The following ZFAND3 variants were observed in gnomAD, a reference collection of about 807,000 sequenced individuals.
ZFAND3 encodes the protein AN1-type zinc finger protein 3.
A neutral mutation model predicts 29.6 loss-of-function variants in ZFAND3; 10 were observed. The observed-to-expected ratio is 0.34, with a 90% CI of 0.21 to 0.57. ZFAND3 has a LOEUF of 0.57. Ranked by LOEUF, ZFAND3 falls within the 20% of genes least tolerant of loss-of-function variation. The pLI, the probability that ZFAND3 is intolerant of heterozygous loss-of-function variation, is 0.86. For missense variants in ZFAND3, 230 were observed against 304.5 expected (o/e 0.76, Z 1.82); for synonymous variants, 128 against 112.6 (o/e 1.14, Z -0.87).
intron 4 of ZFAND3, among the ~76,000 whole-genome samples, chr6:38,091,851 A>G (rs1208658808): frequency 6.6e-6 from 1 of 151,506 alleles, no homozygotes; most frequent in African/African-American, 2.4e-5. Flanking sequence ...CAGCAATTAT[A>G]AACAGGATAA....
intron 2 of ZFAND3, among the ~76,000 whole-genome samples, chr6:38,024,243 C>T (rs1354372433): frequency 5.3e-5 from 8 of 151,974 alleles, no homozygotes; most frequent in Non-Finnish European, 7.4e-5. Context: ...GAGGCCGAGG[C>T]GGGCAGATCA....
intron 2 of ZFAND3, among the ~76,000 whole-genome samples, chr6:38,002,302 A>T (rs567169157): frequency 6.5e-5 from 8 of 123,840 alleles, no homozygotes; most frequent in Non-Finnish European, 8.7e-5. Context: ...TTTTTTTTTT[A>T]AAGAAAACAG....
At chr6:38,092,378 A>G (rs1474093290) in intron 4 of ZFAND3, among the ~76,000 whole-genome samples, 1 of 152,246 alleles carries the variant, frequency 6.6e-6, no homozygotes, top group Non-Finnish European at 1.5e-5. Flanking sequence ...TAGAGAGAAT[A>G]AGTACAGAAA....
intron 2 of ZFAND3, among the ~76,000 whole-genome samples, chr6:37,976,541 G>T (rs201623538): frequency 3.7e-5 from 5 of 136,146 alleles, no homozygotes; most frequent in Non-Finnish European, 7.6e-5. Flanking sequence ...CCGAGATTGC[G>T]CCACTGCACT....
intron 2 of ZFAND3, among the ~76,000 whole-genome samples, chr6:38,007,618 TGAA>T (rs1166616601): frequency 2.0e-5 from 3 of 152,176 alleles, no homozygotes; most frequent in African/African-American, 7.2e-5. Flanking sequence ...ATAATTAACT[TGAA>T]GAATAATTTA....
At chr6:38,131,200 CTTAG>C (rs1329231787) in intron 5 of ZFAND3, among the ~76,000 whole-genome samples, 1 of 152,066 alleles carries the variant, frequency 6.6e-6, no homozygotes, top group Non-Finnish European at 1.5e-5. Flanking sequence ...TTTCTCTCTT[CTTAG>C]TTAATCTTGT....
At chr6:37,944,899 A>AT (rs1761873981) in intron 2 of ZFAND3, among the ~76,000 whole-genome samples, 1 of 152,192 alleles carries the variant, frequency 6.6e-6, no homozygotes, top group Non-Finnish European at 1.5e-5. Flanking sequence ...AAGAAAGGGG[A>AT]GTGCGAGCAT....
chr6:37,925,726 T>C (rs1057242934), intron 1 of ZFAND3, among the ~76,000 whole-genome samples: 35 of 150,078 alleles, frequency 2.3e-4, no homozygotes, highest in African/African-American at 8.4e-4. Context: ...AAAAGGTTTC[T>C]AGATTTTTGA....
chr6:38,063,647 G>T (rs906676833), intron 3 of ZFAND3, among the ~76,000 whole-genome samples: 1 of 152,168 alleles, frequency 6.6e-6, no homozygotes, highest in South Asian at 2.1e-4. Flanking sequence ...AAGGAAAGCT[G>T]CATGGAGTTT....
At chr6:38,117,870 G>C (rs1765452319) in intron 5 of ZFAND3, among the ~76,000 whole-genome samples, 1 of 152,196 alleles carries the variant, frequency 6.6e-6, no homozygotes, top group Non-Finnish European at 1.5e-5. Context: ...GAAATGGGAA[G>C]GAAGAGAGAG....
At chr6:37,971,130 T>C (rs1373875352) in intron 2 of ZFAND3, among the ~76,000 whole-genome samples, 1 of 152,214 alleles carries the variant, frequency 6.6e-6, no homozygotes, top group East Asian at 1.9e-4. Flanking sequence ...TTGATTGTAA[T>C]TTTTTAGTCT....
At chr6:38,120,754 C>T (rs1357637966) in intron 5 of ZFAND3, among the ~76,000 whole-genome samples, 1 of 152,180 alleles carries the variant, frequency 6.6e-6, no homozygotes, top group African/African-American at 2.4e-5. Context: ...AGTGGATATG[C>T]TCCCTTTGGG....
chr6:37,872,693 A>G (rs1018535257), intron 1 of ZFAND3, among the ~76,000 whole-genome samples: 13 of 152,094 alleles, frequency 8.5e-5, no homozygotes, highest in South Asian at 2.1e-4. Flanking sequence ...AGGTTATTCT[A>G]TGTTGCATGT....
In ZFAND3 at chr6:38,082,159, G is replaced by T. The variant is rs57953516; in HGVS notation, c.296-233G>T. On this transcript the variant is annotated intron_variant, in intron 3 of 5. Coordinates refer to ENST00000287218, the MANE Select transcript of ZFAND3 (RefSeq NM_021943.3). ...ACTCGGCTGTTTTTTTTTTTTTTGT[G>T]TGTGAAAAGCATGTTAGAATGTAGA... 0.085 allele frequency among the ~76,000 whole-genome samples: 12,511 copies of T among 147,828 alleles called. 736 individuals are homozygous for T. The highest frequency in any genetic ancestry group is 0.28 in the East Asian group (1,435 of 5,084).
chr6:37,833,899 AAAAG>A (rs1763912602), intron 1 of ZFAND3, among the ~76,000 whole-genome samples: 1 of 152,114 alleles, frequency 6.6e-6, no homozygotes, highest in South Asian at 2.1e-4. Flanking sequence ...CTAGAAGGTA[AAAAG>A]AGAGAGTTCC....
intron 1 of ZFAND3, among the ~76,000 whole-genome samples, chr6:37,899,688 A>T (rs1003573004): frequency 1.3e-5 from 2 of 152,248 alleles, no homozygotes; most frequent in African/African-American, 4.8e-5. Context: ...GCATATTTCA[A>T]ATAAAATTTC....
At chr6:38,000,688 C>T (rs1462424324) in intron 2 of ZFAND3, among the ~76,000 whole-genome samples, 1 of 152,106 alleles carries the variant, frequency 6.6e-6, no homozygotes, top group Non-Finnish European at 1.5e-5. Context: ...TCTAGTAAAA[C>T]AATAAATTAG....
intron 2 of ZFAND3, among the ~76,000 whole-genome samples, chr6:38,044,496 C>T (rs528613775): frequency 2.3e-4 from 35 of 152,242 alleles, no homozygotes; most frequent in African/African-American, 8.2e-4. Context: ...CCACAGTTCA[C>T]TCTTGACTAG....
intron 3 of ZFAND3, among the ~76,000 whole-genome samples, chr6:38,075,488 A>G (rs1052957218): frequency 1.3e-5 from 2 of 152,178 alleles, no homozygotes; most frequent in African/African-American, 4.8e-5. Context: ...TAAAACTTTA[A>G]TGGATGAGGA....
Sources: gnomAD v4.1 joint callset for allele counts (sites outside exome capture counted in the v4.1 genomes callset) on GRCh38, gnomAD v4.1.1 for gene constraint, MANE v1.5 for transcripts, NCBI Gene and HGNC (gene_info 2026-07-23, HGNC 2026-07-21) for gene names.